Variants in CENPF observed in about 807,000 individuals in gnomAD.
The protein encoded by CENPF is AH antigen.
CENPF carries 214 observed loss-of-function variants against 307.3 expected under a neutral mutation model. That is an observed-to-expected ratio of 0.70 (90% CI 0.62 to 0.78). The LOEUF (loss-of-function observed/expected upper bound fraction) is 0.78, where lower values mean the gene tolerates loss of function less well. Ranked by LOEUF, CENPF falls within the 30% of genes least tolerant of loss-of-function variation. The pLI, the probability that CENPF is intolerant of heterozygous loss-of-function variation, is 0.00. For missense variants in CENPF, 3,401 were observed against 3,483.9 expected (o/e 0.98, Z 0.60); for synonymous variants, 1,259 against 1,270.6 (o/e 0.99, Z 0.19).
intron 3 of CENPF, 57 bp downstream of exon 3, chr1:214,615,085 G>T (rs933353908): frequency 1.7e-6 from 2 of 1,204,462 alleles, no homozygotes; most frequent in South Asian, 1.9e-5. Context: ...AATCAGATGC[G>T]TTTGTCTTTT....
At chr1:214,618,767 A>G (rs1657428138) in intron 4 of CENPF, 73 bp downstream of exon 4, 2 of 1,434,372 alleles carry the variant, frequency 1.4e-6, no homozygotes, top group Non-Finnish European at 1.9e-6. Context: ...AAATAAATGA[A>G]TTAATTCAAC....
At position 214,646,033 on chromosome 1, in the gene CENPF, A is replaced by G; in HGVS notation, c.6463A>G (p.Lys2155Glu). Residue 2155 changes from lysine (K) to glutamate (E), a missense_variant, in exon 13 of 20, where the codon AAA becomes GAA. Physicochemically the swap from Lys to Glu is moderately conservative, Grantham distance 56. Coordinates refer to ENST00000366955, the MANE Select transcript of CENPF (RefSeq NM_016343.4). ...GCGGGAGAATGATTCACTTAAGGAT[A>G]AAGTTGAGAACCTTGAAAGGGAATT... is the stretch of plus-strand genomic sequence containing the variant. ...RERENDSLKD[K>E]VENLERELQM... 1 of 1,614,128 alleles carries G rather than the reference A, an allele frequency of 6.2e-7. No individual in the cohort carries two copies. The highest frequency in any genetic ancestry group is 2.2e-5 in the East Asian group (1 of 44,870).
At chr1:214,607,419 G>T (rs574040233) in intron 1 of CENPF, among the ~76,000 whole-genome samples, 1 of 152,170 alleles carries the variant, frequency 6.6e-6, no homozygotes, top group Non-Finnish European at 1.5e-5. Flanking sequence ...CGAGGAAGTC[G>T]CATGAAGTGG....
intron 1 of CENPF, among the ~76,000 whole-genome samples, chr1:214,606,832 G>A (rs574100756): frequency 3.6e-3 from 542 of 152,206 alleles, no homozygotes; most frequent in African/African-American, 0.013. Context: ...CTCGTGCCCA[G>A]TCCCAACCAC....
At chr1:214,628,354 T>C (rs748824177) in intron 7 of CENPF, among the ~76,000 whole-genome samples, 28 of 152,126 alleles carry the variant, frequency 1.8e-4, no homozygotes, top group Admixed American at 1.1e-3. Context: ...GCGCCACGGG[T>C]TCATTTCATT....
chr1:214,629,280 TAGA>T, intron 8 of CENPF, 109 bp downstream of exon 8: 1 of 1,096,834 alleles, frequency 9.1e-7, no homozygotes, highest in Non-Finnish European at 1.3e-6. Flanking sequence ...GAAATTCTCT[TAGA>T]GGAGAAATGC....
At chr1:214,608,611 T>C (rs1657105583) in intron 1 of CENPF, 2 of 1,607,474 alleles carry the variant, frequency 1.2e-6, no homozygotes, top group South Asian at 2.2e-5. Context: ...CTGGCTGTAC[T>C]GGAAGTCGGC....
intron 1 of CENPF, chr1:214,605,761 G>C (rs1271699057): frequency 4.8e-5 from 77 of 1,593,960 alleles, no homozygotes; most frequent in Non-Finnish European, 5.9e-5. Flanking sequence ...CGTTGTGCCT[G>C]GTGCCCTCCA....
At chr1:214,634,930 A>G (rs1657914793) in intron 10 of CENPF, among the ~76,000 whole-genome samples, 2 of 152,190 alleles carry the variant, frequency 1.3e-5, no homozygotes. Context: ...TCACAATGAG[A>G]AATTATCAGT....
chr1:214,620,658 G>A lies in CENPF; in HGVS notation c.577G>A (p.Ala193Thr), dbSNP rs752882447. 1 of 1,608,486 alleles carries A rather than the reference G, an allele frequency of 6.2e-7. No individual in the cohort carries two copies. Among genetic ancestry groups the A allele is most frequent in the East Asian group, 2.2e-5 (1 of 44,852 alleles). The change falls in exon 6 of 20, where the codon GCA becomes ACA. Residue 193 changes from alanine to threonine, a missense_variant. By Grantham distance (58) the Ala-to-Thr change is moderately conservative (BLOSUM62 0). Coordinates refer to ENST00000366955, the MANE Select transcript of CENPF (RefSeq NM_016343.4). ...TAAAGAGATTCTGTTTCTACAGAAAGCAAGCCAGACTCTTCCACAAGCCAC... is the reference window on the plus strand; with the variant it reads ...TAAAGAGATTCTGTTTCTACAGAAAACAAGCCAGACTCTTCCACAAGCCAC... ...AEVKALQAKK[A>T]SQTLPQATMN...
At position 214,657,220 on chromosome 1, in the gene CENPF, C is replaced by G; in HGVS notation, c.8773C>G (p.Gln2925Glu). The G allele has an allele frequency of 1.2e-6, 2 of 1,613,976 alleles. No individual in the cohort carries two copies. Among genetic ancestry groups the G allele is most frequent in the Non-Finnish European group, 1.7e-6 (2 of 1,180,008 alleles). ...SVTEKRLSSG[Q>E]NKASGKRQRS... Reference sequence around the variant, plus strand: ...TACTGAAAAGAGGTTATCATCTGGCCAAAATAAAGCTTCAGGCAAGAGGCA... The same window carrying G: ...TACTGAAAAGAGGTTATCATCTGGCGAAAATAAAGCTTCAGGCAAGAGGCA... The change falls in exon 18 of 20, where the codon CAA becomes GAA. Residue 2925 changes from glutamine to glutamate, a missense_variant. Physicochemically the swap from Gln to Glu is conservative, Grantham distance 29. Coordinates refer to ENST00000366955, the MANE Select transcript of CENPF (RefSeq NM_016343.4).
chr1:214,616,990 C>T (rs1657377005), intron 3 of CENPF, among the ~76,000 whole-genome samples: 1 of 135,032 alleles, frequency 7.4e-6, no homozygotes, highest in Non-Finnish European at 1.6e-5. Context: ...CCCTCCCTCT[C>T]TCTCTTTCTC....
At position 214,640,436 on chromosome 1, in the gene CENPF, T is replaced by A. The variant is rs1176796815; in HGVS notation, c.2098T>A (p.Tyr700Asn). Residue 700 changes from tyrosine (Y) to asparagine (N), a missense_variant, in exon 12 of 20, where the codon TAT becomes AAT. Physicochemically the swap from Tyr to Asn is moderately radical, Grantham distance 143. Coordinates refer to ENST00000366955, the MANE Select transcript of CENPF (RefSeq NM_016343.4). ...SVEVETQKLA[Y>N]MELQQKAEFS... Reference sequence around the variant, plus strand: ...GGAGGTAGAGACCCAGAAACTAGCTTATATGGAGCTACAGCAGAAAGCTGA... The same window carrying A: ...GGAGGTAGAGACCCAGAAACTAGCTAATATGGAGCTACAGCAGAAAGCTGA... The A allele has an allele frequency of 6.2e-6, 10 of 1,614,022 alleles. No homozygotes were observed. The highest frequency in any genetic ancestry group is 8.5e-6 in the Non-Finnish European group (10 of 1,179,996).
At position 214,663,959 on chromosome 1, in the gene CENPF, A is replaced by G. The variant is rs1658853580; in HGVS notation, c.*165A>G. On this transcript the variant is annotated 3_prime_UTR_variant, in exon 20 of 20. Coordinates refer to ENST00000366955, the MANE Select transcript of CENPF (RefSeq NM_016343.4). Reference sequence around the variant, plus strand: ...CTCTTTAGATCTCCCATGTGTAGGTATTGAAAAAGTTTGGAAGCACTGATC... The same window carrying G: ...CTCTTTAGATCTCCCATGTGTAGGTGTTGAAAAAGTTTGGAAGCACTGATC... The G allele has an allele frequency of 1.6e-6, 1 of 612,830 alleles. No individual in the cohort carries two copies. The highest frequency in any genetic ancestry group is 2.8e-6 in the Non-Finnish European group (1 of 357,240). The allele number at this position is 612,830 out of a possible 1,614,324, so 38.0% of individuals were successfully genotyped here. A position where few individuals can be genotyped will look rare whatever the true frequency, so the allele number is the denominator to read the frequency against.
rs1475630599 is a variant in CENPF at position 214,625,640 on chromosome 1, TTTG to T, written c.1068+3362_1068+3364del. ...TTTTCCATTTCTTTCTGCTTTTTCA[TTTG>T]TTTTCTTTTTTTTTCCTGCCTTTGC... On this transcript the variant is annotated intron_variant, in intron 7 of 19. Coordinates refer to ENST00000366955, the MANE Select transcript of CENPF (RefSeq NM_016343.4). Among the ~76,000 whole-genome samples, 3 of 152,354 alleles carry T rather than the reference TTTG, an allele frequency of 2.0e-5. No homozygotes were observed. The East Asian group carries it at 5.8e-4, about 29-fold the overall frequency.
intron 7 of CENPF, among the ~76,000 whole-genome samples, chr1:214,628,704 C>A (rs1388550392): frequency 1.3e-5 from 2 of 152,196 alleles, no homozygotes; most frequent in Non-Finnish European, 2.9e-5. Flanking sequence ...AAATTTCCCA[C>A]AAAATCCATT....
chr1:214,606,923 A>T (rs1251764495), intron 1 of CENPF, among the ~76,000 whole-genome samples: 1 of 152,250 alleles, frequency 6.6e-6, no homozygotes, highest in Non-Finnish European at 1.5e-5. Context: ...TCCCAGGCAG[A>T]TGCCCTCTTG....
rs145285850 is a variant in CENPF, at chr1:214,663,928, A to G, written c.*134A>G. ...ACAATTCCTTAGAAGTCTTAAATAT[A>G]TTGTACTCTTTAGATCTCCCATGTG... is the stretch of plus-strand genomic sequence containing the variant. On this transcript the variant is annotated 3_prime_UTR_variant, in exon 20 of 20. Transcript: ENST00000366955. 1.4e-4 allele frequency: 98 copies of G among 696,540 alleles called. 1 individual carries two copies. The African/African-American group carries it at 1.6e-3, about 11-fold the overall frequency. The allele number at this position is 696,540 out of a possible 1,614,324, so 43.1% of individuals were successfully genotyped here. A position where few individuals can be genotyped will look rare whatever the true frequency, so the allele number is the denominator to read the frequency against.
intron 1 of CENPF, among the ~76,000 whole-genome samples, chr1:214,610,916 C>G (rs1303286939): frequency 6.6e-6 from 1 of 152,048 alleles, no homozygotes; most frequent in Non-Finnish European, 1.5e-5. Context: ...AGCCAGCTAT[C>G]TCATCATTTA....
Sources: gnomAD v4.1 joint callset for allele counts (sites outside exome capture counted in the v4.1 genomes callset) on GRCh38, gnomAD v4.1.1 for gene constraint, MANE v1.5 for transcripts, NCBI Gene and HGNC (gene_info 2026-07-23, HGNC 2026-07-21) for gene names.